Variants in SNTG2 observed in about 807,000 individuals in gnomAD.
The protein encoded by SNTG2 is gamma-2-syntrophin.
In SNTG2, 74 loss-of-function variants were observed where a neutral mutation model predicts 70.9. That is an observed-to-expected ratio of 1.04 (90% CI 0.86 to 1.27). The LOEUF is 1.27. Among genes scored for constraint, SNTG2 ranks in the 50% most tolerant of loss-of-function variants. The pLI, the probability that SNTG2 is intolerant of heterozygous loss-of-function variation, is 0.00. For synonymous variants in SNTG2, 278 were observed against 273.8 expected, an observed-to-expected ratio of 1.02 and a Z score of -0.15; for missense variants, 717 against 690.7, an observed-to-expected ratio of 1.04 and a Z score of -0.43.
At chr2:1,088,838 G>T (rs575350686) in intron 2 of SNTG2, among the ~76,000 whole-genome samples, 1 of 152,306 alleles carries the variant, frequency 6.6e-6, no homozygotes, top group Admixed American at 6.5e-5. Context: ...GTTTGAAATT[G>T]ATTTCTCTTG....
At position 951,056 on chromosome 2, in the gene SNTG2, G is replaced by A; in HGVS notation, c.60G>A (p.Leu20=). The change falls in exon 1 of 17, where the codon CTG becomes CTA. Residue 20 remains leucine, a synonymous_variant. Transcript: ENST00000308624. ...CCCGCGGACGCCAGGGCTGCCTGCTGGTACCTGCGCGGGTGAGTGCGGCCC... is the reference window on the plus strand; with the variant it reads ...CCCGCGGACGCCAGGGCTGCCTGCTAGTACCTGCGCGGGTGAGTGCGGCCC... ...AASRGRQGCL[L]VPARTKTTIA... The A allele has an allele frequency of 7.9e-7, 1 of 1,272,640 alleles. No homozygotes were observed. 78.8% of individuals were successfully genotyped at this position (1,272,640 alleles called of 1,614,324 possible).
At chr2:983,060 TGAA>T (rs1661168258) in intron 1 of SNTG2, among the ~76,000 whole-genome samples, 1 of 148,340 alleles carries the variant, frequency 6.7e-6, no homozygotes, top group South Asian at 2.1e-4. Context: ...GGTGTCAGGA[TGAA>T]GAAGTTGCAG....
intron 13 of SNTG2, among the ~76,000 whole-genome samples, chr2:1,260,933 TG>T (rs765721956): frequency 1.4e-4 from 22 of 152,180 alleles, no homozygotes; most frequent in Non-Finnish European, 2.5e-4. Flanking sequence ...GAGAGATTAT[TG>T]TATCTTACAT....
chr2:1,143,424 AT>A (rs1268421453), intron 6 of SNTG2, among the ~76,000 whole-genome samples: 1 of 151,962 alleles, frequency 6.6e-6, no homozygotes, highest in Non-Finnish European at 1.5e-5. Flanking sequence ...CTCTGCCCTT[AT>A]CCAACACTAA....
intron 6 of SNTG2, among the ~76,000 whole-genome samples, chr2:1,164,657 A>C (rs564946308): frequency 6.8e-6 from 1 of 146,746 alleles, no homozygotes; most frequent in Admixed American, 6.8e-5. Flanking sequence ...GGTGGGATAC[A>C]CCTGCCCTAG....
At position 1,137,792 on chromosome 2, in the gene SNTG2, G is replaced by A. The variant is rs1558444216; in HGVS notation, c.394G>A (p.Ala132Thr). Residue 132 changes from alanine (A) to threonine (T), a missense_variant, in exon 6 of 17, where the codon GCA becomes ACA. Coordinates refer to ENST00000308624, the MANE Select transcript of SNTG2 (RefSeq NM_018968.4). ...LQVNGIHVEN[A>T]THEEVVHLLR... is the part of the protein sequence containing the mutation. ...GGTTAATGGCATACATGTAGAAAAT[G>A]CAACTCATGAAGAAGTGGTAAGTGA... is the stretch of plus-strand genomic sequence containing the variant. 6.2e-7 allele frequency: 1 copy of A among 1,613,136 alleles called. No individual in the cohort carries two copies. Among genetic ancestry groups the A allele is most frequent in the Non-Finnish European group, 8.5e-7 (1 of 1,179,502 alleles).
intron 8 of SNTG2, among the ~76,000 whole-genome samples, chr2:1,176,607 G>T (rs534356623): frequency 1.3e-5 from 2 of 151,818 alleles, no homozygotes; most frequent in African/African-American, 4.8e-5. Flanking sequence ...TCTGACAAAG[G>T]TCTAATATCC....
chr2:1,059,433 A>G (rs1662673704), intron 1 of SNTG2: 1 of 152,184 alleles, frequency 6.6e-6, no homozygotes. Flanking sequence ...AGCTTCTACA[A>G]TGTGAAGTTT....
intron 8 of SNTG2, among the ~76,000 whole-genome samples, chr2:1,189,590 GCT>G (rs1672454180): frequency 6.7e-6 from 1 of 150,054 alleles, no homozygotes; most frequent in Non-Finnish European, 1.5e-5. Context: ...ATGGAGTCTC[GCT>G]CTGTTGCCCA....
Position 1,267,502 on chromosome 2 carries a change from T to C in SNTG2, c.1215T>C (p.Leu405=). ...HGKSHVFNVE[L]GSELAMWEKS... Reference sequence around the variant, plus strand: ...AGAGCCATGTTTTCAACGTGGAGCTTGGCAGCGAGCTGGCCATGTGGGAGA... The same window carrying C: ...AGAGCCATGTTTTCAACGTGGAGCTCGGCAGCGAGCTGGCCATGTGGGAGA... Residue 405 remains leucine (L), a synonymous_variant, in exon 14 of 17, where the codon CTT becomes CTC. Transcript: ENST00000308624. 1 of 1,613,918 alleles carries C rather than the reference T, an allele frequency of 6.2e-7. No homozygotes were observed. Among genetic ancestry groups the C allele is most frequent in the South Asian group, 1.1e-5 (1 of 91,070 alleles).
At chr2:1,307,099 CTGTG>C (rs544502993) in intron 14 of SNTG2, among the ~76,000 whole-genome samples, 6 of 138,334 alleles carry the variant, frequency 4.3e-5, no homozygotes, top group South Asian at 2.4e-4. Flanking sequence ...GAACCATGCA[CTGTG>C]TGTGTGTGGT....
intron 6 of SNTG2, among the ~76,000 whole-genome samples, chr2:1,158,979 TAGA>T (rs1430088148): frequency 6.6e-6 from 1 of 152,032 alleles, no homozygotes; most frequent in Non-Finnish European, 1.5e-5. Flanking sequence ...TGGCAGATCG[TAGA>T]GGAGAGGAAG....
At chr2:1,217,149 G>A (rs1173409070) in intron 9 of SNTG2, among the ~76,000 whole-genome samples, 1 of 152,070 alleles carries the variant, frequency 6.6e-6, no homozygotes, top group African/African-American at 2.4e-5. Context: ...ACTATAAAGA[G>A]TAGATGCATA....
chr2:1,299,978 G>C (rs919196247), intron 14 of SNTG2, among the ~76,000 whole-genome samples: 1 of 85,494 alleles, frequency 1.2e-5, no homozygotes, highest in Non-Finnish European at 2.4e-5. Context: ...TTAAATGAGG[G>C]CACTTACCAT....
intron 7 of SNTG2, among the ~76,000 whole-genome samples, chr2:1,169,074 A>G (rs1670947111): frequency 6.6e-6 from 1 of 152,106 alleles, no homozygotes. Context: ...CCCAGCAGTG[A>G]GCTCGGATGG....
At chr2:971,725 T>C (rs888070747) in intron 1 of SNTG2, among the ~76,000 whole-genome samples, 3 of 151,046 alleles carry the variant, frequency 2.0e-5, no homozygotes, top group African/African-American at 7.3e-5. Context: ...TTTTTTTTTT[T>C]CTCATTCCTT....
chr2:1,355,560 A>G (rs1391504394), intron 16 of SNTG2, among the ~76,000 whole-genome samples: 1 of 152,188 alleles, frequency 6.6e-6, no homozygotes, highest in Non-Finnish European at 1.5e-5. Context: ...ACCTGCATAC[A>G]CCATACTTCT....
intron 1 of SNTG2, among the ~76,000 whole-genome samples, chr2:1,021,602 T>A (rs982084106): frequency 6.6e-6 from 1 of 152,040 alleles, no homozygotes; most frequent in Admixed American, 6.6e-5. Context: ...GAATTTTCTT[T>A]TTTTTTTCTT....
chr2:1,315,830 G>C (rs1322355476), intron 15 of SNTG2, among the ~76,000 whole-genome samples: 2 of 152,198 alleles, frequency 1.3e-5, no homozygotes, highest in East Asian at 3.9e-4. Flanking sequence ...CTGCACTTTT[G>C]ACTATGTCTT....
Sources: gnomAD v4.1 joint callset for allele counts (sites outside exome capture counted in the v4.1 genomes callset) on GRCh38, gnomAD v4.1.1 for gene constraint, MANE v1.5 for transcripts, NCBI Gene and HGNC (gene_info 2026-07-23, HGNC 2026-07-21) for gene names.